SCUBE1: variants seen among roughly 807,000 people sequenced by gnomAD.
SCUBE1 encodes signal peptide, CUB and EGF-like domain-containing protein 1.
SCUBE1 carries 59 observed loss-of-function variants against 124.4 expected under a neutral mutation model. That is an observed-to-expected ratio of 0.47 (90% CI 0.38 to 0.59). The LOEUF is 0.59. Among genes scored for constraint, SCUBE1 ranks in the 20% least tolerant of loss-of-function variants. The pLI, the probability that SCUBE1 is intolerant of heterozygous loss-of-function variation, is 0.00. For missense variants in SCUBE1, 1,150 were observed against 1,371.2 expected, an observed-to-expected ratio of 0.84 and a Z score of 2.55; for synonymous variants, 545 against 550.9, an observed-to-expected ratio of 0.99 and a Z score of 0.15.
At chr22:43,340,839 G>A (rs1016277922) in intron 1 of SCUBE1, among the ~76,000 whole-genome samples, 7 of 152,306 alleles carry the variant, frequency 4.6e-5, no homozygotes, top group Non-Finnish European at 1.0e-4. Flanking sequence ...CAGTGCCCCA[G>A]GGGTAAGCTT....
chr22:43,326,356 G>A (rs1926728580), intron 2 of SCUBE1, among the ~76,000 whole-genome samples: 1 of 152,114 alleles, frequency 6.6e-6, no homozygotes, highest in African/African-American at 2.4e-5. Context: ...AGAGATGTAT[G>A]GCTTAGGAAG....
chr22:43,269,229 G>A (rs1924196240), intron 4 of SCUBE1, among the ~76,000 whole-genome samples: 2 of 152,154 alleles, frequency 1.3e-5, no homozygotes, highest in African/African-American at 2.4e-5. Flanking sequence ...CATCTCCTCT[G>A]GACTCTGACA....
At chr22:43,223,052 G>A in intron 11 of SCUBE1, 45 bp downstream of exon 11, 1 of 1,498,952 alleles carries the variant, frequency 6.7e-7, no homozygotes, top group Admixed American at 2.4e-5. Context: ...CAGGGAGGAA[G>A]ACCCCCCTGC....
At chr22:43,325,722 T>C (rs1926705475) in intron 2 of SCUBE1, among the ~76,000 whole-genome samples, 1 of 152,070 alleles carries the variant, frequency 6.6e-6, no homozygotes, top group Middle Eastern at 3.4e-3. Flanking sequence ...TTTTTTTTTG[T>C]TTTTAATGAA....
At chr22:43,272,259 T>G (rs1454621762) in intron 4 of SCUBE1, among the ~76,000 whole-genome samples, 1 of 152,134 alleles carries the variant, frequency 6.6e-6, no homozygotes, top group Admixed American at 6.5e-5. Flanking sequence ...GCAAAGAAGC[T>G]GGCCCACTCT....
Position 43,211,574 on chromosome 22 carries a change from T to C in SCUBE1, c.2222-491A>G, listed in dbSNP as rs1338920871. 2.0e-5 allele frequency among the ~76,000 whole-genome samples: 3 copies of C among 150,470 alleles called. No homozygotes were observed. The highest frequency in any genetic ancestry group is 4.4e-5 in the Non-Finnish European group (3 of 67,780). On this transcript the variant is annotated intron_variant, in intron 17 of 21. Coordinates refer to ENST00000360835, the MANE Select transcript of SCUBE1 (RefSeq NM_173050.5). The surrounding 1 kb of genome is among the most constrained non-coding windows in gnomAD (Gnocchi z 4.5). ...CTCCGTCACCCAGGCTGGAGTGCAA[T>C]GGTGCCATCTCGGCTCACTGCAACC...
intron 4 of SCUBE1, among the ~76,000 whole-genome samples, chr22:43,267,532 C>T (rs974158500): frequency 2.0e-5 from 3 of 152,196 alleles, no homozygotes; most frequent in Non-Finnish European, 4.4e-5. Flanking sequence ...CTGAGAAGTC[C>T]TGCGGTCCCT....
chr22:43,222,988 C>T, intron 11 of SCUBE1, 109 bp downstream of exon 11: 2 of 1,411,124 alleles, frequency 1.4e-6, no homozygotes, highest in Non-Finnish European at 1.9e-6. Context: ...CAGAGACCCT[C>T]ATTCCTAGGT....
At chr22:43,266,942 C>T (rs912898420) in intron 4 of SCUBE1, among the ~76,000 whole-genome samples, 4 of 152,158 alleles carry the variant, frequency 2.6e-5, no homozygotes, top group African/African-American at 4.8e-5. Flanking sequence ...ACAAAGCCTC[C>T]GCTCCCCTGC....
chr22:43,337,853 A>G (rs1927135844), intron 2 of SCUBE1, among the ~76,000 whole-genome samples: 1 of 152,188 alleles, frequency 6.6e-6, no homozygotes, highest in African/African-American at 2.4e-5. Flanking sequence ...TCCTAATACA[A>G]ATATCAAACT....
chr22:43,268,362 C>T (rs553038424), intron 4 of SCUBE1, among the ~76,000 whole-genome samples: 1 of 152,386 alleles, frequency 6.6e-6, no homozygotes, highest in Non-Finnish European at 1.5e-5. Flanking sequence ...GCTGGTCTCC[C>T]CTTCTTAATG....
At chr22:43,332,241 T>C (rs1490484914) in intron 2 of SCUBE1, among the ~76,000 whole-genome samples, 1 of 152,048 alleles carries the variant, frequency 6.6e-6, no homozygotes, top group Admixed American at 6.6e-5. Context: ...TGAGCCGAGA[T>C]TGAGCCACTG....
At chr22:43,341,778 T>C (rs865957628) in intron 1 of SCUBE1, among the ~76,000 whole-genome samples, 2 of 152,166 alleles carry the variant, frequency 1.3e-5, no homozygotes, top group Non-Finnish European at 1.5e-5. Flanking sequence ...CTGCTCCCTT[T>C]GACTCTGGTT....
chr22:43,312,559 G>A (rs1324322713), intron 3 of SCUBE1, among the ~76,000 whole-genome samples: 1 of 152,132 alleles, frequency 6.6e-6, no homozygotes, highest in Admixed American at 6.5e-5. Context: ...ATGAGAGGAG[G>A]GTGCTGGAGC....
intron 6 of SCUBE1, among the ~76,000 whole-genome samples, chr22:43,254,723 C>T (rs139028): frequency 0.42 from 63,776 of 152,102 alleles, 13,924 homozygotes; most frequent in East Asian, 0.59. Flanking sequence ...ACCACAGCTA[C>T]GCTCAGGAGG....
At position 43,230,020 on chromosome 22, in the gene SCUBE1, C is replaced by T. The variant is rs181495217; in HGVS notation, c.968-832G>A. 1.8e-3 allele frequency among the ~76,000 whole-genome samples: 272 copies of T among 152,296 alleles called. 3 individuals carry two copies. Among genetic ancestry groups the T allele is most frequent in the Non-Finnish European group, 1.8e-3 (124 of 68,032 alleles). ...ATTTCACAAATATTTGTAATATACG[C>T]GTATTTATAAAACCACTAACACAAG... is the stretch of plus-strand genomic sequence containing the variant. On this transcript the variant is annotated intron_variant, in intron 8 of 21. Transcript: ENST00000360835.
At chr22:43,263,427 G>A (rs77119907) in intron 4 of SCUBE1, among the ~76,000 whole-genome samples, 2,264 of 152,334 alleles carry the variant, frequency 0.015, 48 homozygotes, top group African/African-American at 0.052. Context: ...TGAAAGGGAA[G>A]CGCCTCTGTC....
chr22:43,247,367 C>A (rs1923257620), intron 6 of SCUBE1, among the ~76,000 whole-genome samples: 1 of 152,184 alleles, frequency 6.6e-6, no homozygotes, highest in Non-Finnish European at 1.5e-5. Flanking sequence ...GGACTGAACC[C>A]CGGTCTGACT....
intron 4 of SCUBE1, among the ~76,000 whole-genome samples, chr22:43,267,861 TC>T (rs1311321387): frequency 6.6e-6 from 1 of 152,140 alleles, no homozygotes; most frequent in Non-Finnish European, 1.5e-5. Context: ...GCAGGTGGTA[TC>T]TCTGGGTGGC....
Sources: allele counts gnomAD v4.1 joint callset (sites outside exome capture counted in the v4.1 genomes callset), GRCh38; gene constraint gnomAD v4.1.1; non-coding constraint Gnocchi (gnomAD v3.1); transcripts MANE v1.5; gene names NCBI Gene and HGNC (gene_info 2026-07-23, HGNC 2026-07-21).